Variants in SCMH1 observed in about 807,000 individuals in gnomAD.
SCMH1 encodes polycomb protein SCMH1.
A neutral mutation model predicts 70.8 loss-of-function variants in SCMH1; 37 were observed. The ratio of observed to expected loss-of-function variants is 0.52; its 90% CI spans 0.40 to 0.69. The LOEUF is 0.69. SCMH1 is among the 30% of genes least tolerant of loss of function. The pLI is 0.00. For missense variants in SCMH1, 607 were observed against 827.3 expected, an observed-to-expected ratio of 0.73 and a Z score of 3.27; for synonymous variants, 292 against 307.4, an observed-to-expected ratio of 0.95 and a Z score of 0.52.
chr1:41,178,982 G>C (rs561775791), intron 2 of SCMH1, among the ~76,000 whole-genome samples: 2 of 152,276 alleles, frequency 1.3e-5, no homozygotes, highest in East Asian at 3.9e-4. Context: ...CACATAGTTA[G>C]AAGTAAAGCA....
intron 2 of SCMH1, among the ~76,000 whole-genome samples, chr1:41,171,103 C>T (rs1380043386): frequency 1.3e-5 from 2 of 152,226 alleles, no homozygotes; most frequent in Non-Finnish European, 2.9e-5. Context: ...CTTACCAAGG[C>T]CAATCTGGCG....
intron 6 of SCMH1, among the ~76,000 whole-genome samples, chr1:41,133,746 G>C (rs1642781890): frequency 5.3e-5 from 8 of 152,142 alleles, no homozygotes; most frequent in Admixed American, 5.2e-4. Context: ...GGAAGAAGCT[G>C]AATCTCTAAA....
chr1:41,051,484 C>T (rs140652865), intron 10 of SCMH1, among the ~76,000 whole-genome samples: 54 of 152,236 alleles, frequency 3.5e-4, no homozygotes, highest in African/African-American at 1.3e-3. Flanking sequence ...ATTGTTATCA[C>T]GGGATGACAG....
chr1:41,062,126 A>G (rs1259103484), intron 10 of SCMH1, among the ~76,000 whole-genome samples: 1 of 152,070 alleles, frequency 6.6e-6, no homozygotes, highest in Non-Finnish European at 1.5e-5. Context: ...TCAGACTCCC[A>G]AAGTGCTGGG....
chr1:41,178,003 C>T (rs994153625), intron 2 of SCMH1, among the ~76,000 whole-genome samples: 9 of 152,108 alleles, frequency 5.9e-5, no homozygotes, highest in Non-Finnish European at 1.2e-4. Context: ...GTTGGGTTAC[C>T]CACAAAGGGA....
chr1:41,180,241 A>T (rs935896676), intron 2 of SCMH1, among the ~76,000 whole-genome samples: 1 of 152,188 alleles, frequency 6.6e-6, no homozygotes, highest in African/African-American at 2.4e-5. Context: ...ATCTATGACA[A>T]ACCCACAGCC....
rs549874516 is a variant in SCMH1, at chr1:41,235,746, T to C, written c.-118+6313A>G. On this transcript the variant is annotated intron_variant, in intron 1 of 14. Transcript: ENST00000337495. ...TGGTCTTTTCTCCCCAGCTTACCCT[T>C]TGGAGATACCTACTATCCTTAATTT... is the stretch of plus-strand genomic sequence containing the variant. 3.9e-5 allele frequency among the ~76,000 whole-genome samples: 6 copies of C among 152,288 alleles called. No individual in the cohort carries two copies. In the South Asian group the frequency reaches 1.0e-3, roughly 26 times the overall value.
intron 2 of SCMH1, 72 bp from the exon 3 acceptor site, chr1:41,161,504 T>G (rs1425425884): frequency 3.4e-6 from 5 of 1,482,490 alleles, no homozygotes; most frequent in Non-Finnish European, 3.6e-6. Context: ...TTTGGCAGTA[T>G]GTATTAACAG....
chr1:41,208,560 C>G (rs900642907), intron 1 of SCMH1, among the ~76,000 whole-genome samples: 1 of 152,064 alleles, frequency 6.6e-6, no homozygotes, highest in African/African-American at 2.4e-5. Context: ...AATTAGAACT[C>G]AGTATTAAGA....
chr1:41,141,905 G>C (rs1232400767), intron 6 of SCMH1, among the ~76,000 whole-genome samples: 1 of 152,120 alleles, frequency 6.6e-6, no homozygotes, highest in African/African-American at 2.4e-5. Flanking sequence ...TGGCTTATTT[G>C]TATGTGATAA....
At chr1:41,219,413 C>A (rs1658765379) in intron 1 of SCMH1, among the ~76,000 whole-genome samples, 2 of 152,144 alleles carry the variant, frequency 1.3e-5, no homozygotes, top group South Asian at 4.1e-4. Context: ...TATGGGTGGC[C>A]TGGGGATCTG....
intron 1 of SCMH1, among the ~76,000 whole-genome samples, chr1:41,235,530 C>T (rs921698953): frequency 9.3e-5 from 13 of 140,184 alleles, no homozygotes; most frequent in Non-Finnish European, 2.0e-4. Flanking sequence ...GAGATCGCAC[C>T]ACTGCACTCC....
chr1:41,057,060 C>T (rs143286382), intron 10 of SCMH1, among the ~76,000 whole-genome samples: 17 of 152,104 alleles, frequency 1.1e-4, no homozygotes, highest in African/African-American at 3.6e-4. Flanking sequence ...GCCTTCCATT[C>T]GGGAGAAGAG....
chr1:41,100,466 G>A (rs893015148), intron 8 of SCMH1, among the ~76,000 whole-genome samples: 1 of 152,064 alleles, frequency 6.6e-6, no homozygotes, highest in African/African-American at 2.4e-5. Flanking sequence ...AAGGAGTAAC[G>A]TAAAGCATCT....
At chr1:41,059,651 G>A (rs1460081809) in intron 10 of SCMH1, among the ~76,000 whole-genome samples, 1 of 152,184 alleles carries the variant, frequency 6.6e-6, no homozygotes, top group Non-Finnish European at 1.5e-5. Context: ...GCACTGAGCT[G>A]GTTTACACTT....
At chr1:41,092,665 C>A (rs568476865) in intron 8 of SCMH1, among the ~76,000 whole-genome samples, 41 of 152,148 alleles carry the variant, frequency 2.7e-4, no homozygotes, top group Non-Finnish European at 5.6e-4. Flanking sequence ...AGAACTTAAA[C>A]AAATTTACAA....
At chr1:41,132,781 C>T (rs928735401) in intron 6 of SCMH1, among the ~76,000 whole-genome samples, 1 of 152,150 alleles carries the variant, frequency 6.6e-6, no homozygotes, top group Admixed American at 6.5e-5. Flanking sequence ...TTTCCCAGCA[C>T]CATTTATTAA....
chr1:41,088,120 T>C (rs1295032702), intron 8 of SCMH1, among the ~76,000 whole-genome samples: 1 of 152,038 alleles, frequency 6.6e-6, no homozygotes, highest in Non-Finnish European at 1.5e-5. Context: ...GGGTATACTG[T>C]TAAGTAAAAG....
intron 8 of SCMH1, among the ~76,000 whole-genome samples, chr1:41,091,672 G>C (rs572543525): frequency 6.6e-6 from 1 of 152,236 alleles, no homozygotes; most frequent in Non-Finnish European, 1.5e-5. Flanking sequence ...AAGCTGATAC[G>C]CAACTTCAGC....
Sources: allele counts gnomAD v4.1 joint callset (sites outside exome capture counted in the v4.1 genomes callset), GRCh38; gene constraint gnomAD v4.1.1; transcripts MANE v1.5; gene names NCBI Gene and HGNC (gene_info 2026-07-23, HGNC 2026-07-21).